KCNMB2: variants seen among roughly 807,000 people sequenced by gnomAD.
KCNMB2 encodes calcium-activated potassium channel subunit beta-2.
A neutral mutation model predicts 24.5 loss-of-function variants in KCNMB2; 9 were observed. The ratio of observed to expected loss-of-function variants is 0.37; its 90% confidence interval spans 0.22 to 0.64. The LOEUF (loss-of-function observed/expected upper bound fraction) is 0.64, where lower values mean the gene tolerates loss of function less well. KCNMB2 is among the 30% of genes least tolerant of loss of function. The pLI is 0.63. For missense variants in KCNMB2, 226 were observed against 284.3 expected (o/e 0.79, Z 1.47); for synonymous variants, 109 against 104.4 (o/e 1.04, Z -0.27).
intron 1 of KCNMB2, among the ~76,000 whole-genome samples, chr3:178,679,625 T>C (rs998207218): frequency 6.6e-6 from 1 of 152,078 alleles, no homozygotes; most frequent in African/African-American, 2.4e-5. Context: ...TCAAGGAAGG[T>C]CTTAGGTATG....
intron 1 of KCNMB2, among the ~76,000 whole-genome samples, chr3:178,720,027 C>T (rs972641337): frequency 4.0e-5 from 6 of 151,760 alleles, no homozygotes; most frequent in Non-Finnish European, 5.9e-5. Flanking sequence ...ATGTGCACAA[C>T]GTGCCGGTTA....
chr3:178,755,397 T>C (rs1176751427), intron 1 of KCNMB2, among the ~76,000 whole-genome samples: 1 of 152,218 alleles, frequency 6.6e-6, no homozygotes, highest in Non-Finnish European at 1.5e-5. Context: ...CTTTAACAGT[T>C]GTGATCTGTT....
At chr3:178,600,135 C>T (rs1288066355) in intron 1 of KCNMB2, among the ~76,000 whole-genome samples, 1 of 152,176 alleles carries the variant, frequency 6.6e-6, no homozygotes, top group Non-Finnish European at 1.5e-5. Context: ...ACCTCGGCCT[C>T]CCAAAGTGCT....
At chr3:178,615,218 G>C (rs886428346) in intron 1 of KCNMB2, among the ~76,000 whole-genome samples, 9 of 152,196 alleles carry the variant, frequency 5.9e-5, no homozygotes, top group Non-Finnish European at 1.3e-4. Flanking sequence ...CACTGGATCA[G>C]ATCTGAAACA....
At chr3:178,598,721 C>T (rs1325555733) in intron 1 of KCNMB2, among the ~76,000 whole-genome samples, 10 of 151,852 alleles carry the variant, frequency 6.6e-5, no homozygotes, top group Admixed American at 2.6e-4. Context: ...AGAGTGCTCA[C>T]GTGACCAGGG....
At chr3:178,709,127 T>C (rs1370060165) in intron 1 of KCNMB2, among the ~76,000 whole-genome samples, 1 of 152,186 alleles carries the variant, frequency 6.6e-6, no homozygotes, top group Non-Finnish European at 1.5e-5. Flanking sequence ...CCCAAAGATT[T>C]GGAGCCGAAG....
At chr3:178,809,778 T>C (rs1714114060) in intron 2 of KCNMB2, among the ~76,000 whole-genome samples, 1 of 152,250 alleles carries the variant, frequency 6.6e-6, no homozygotes, top group Non-Finnish European at 1.5e-5. Flanking sequence ...TAAGATTCTA[T>C]GAAACTGAAA....
intron 1 of KCNMB2, among the ~76,000 whole-genome samples, chr3:178,607,287 C>T (rs1174244166): frequency 3.3e-5 from 5 of 152,110 alleles, no homozygotes; most frequent in African/African-American, 1.2e-4. Context: ...TGACGGAGCC[C>T]TAAAGATTCT....
chr3:178,619,544 AT>A (rs896791160), intron 1 of KCNMB2, among the ~76,000 whole-genome samples: 12 of 152,226 alleles, frequency 7.9e-5, no homozygotes, highest in African/African-American at 2.9e-4. Flanking sequence ...CCTCTAACTC[AT>A]TTTATTATAA....
chr3:178,692,826 A>G (rs4396882), intron 1 of KCNMB2, among the ~76,000 whole-genome samples: 47,938 of 152,136 alleles, frequency 0.32, 8,045 homozygotes, highest in African/African-American at 0.43. Flanking sequence ...TTGAATTTAT[A>G]AATTGCTTTG....
At chr3:178,693,823 C>A (rs1248666752) in intron 1 of KCNMB2, among the ~76,000 whole-genome samples, 1 of 152,110 alleles carries the variant, frequency 6.6e-6, no homozygotes, top group Non-Finnish European at 1.5e-5. Flanking sequence ...GGAATTGTAC[C>A]AGCTCTTCTT....
intron 4 of KCNMB2, among the ~76,000 whole-genome samples, chr3:178,831,277 G>A (rs1715048671): frequency 2.0e-5 from 3 of 152,094 alleles, no homozygotes; most frequent in Admixed American, 2.0e-4. Context: ...ATAATGGTGA[G>A]GTTGCAAAGA....
intron 1 of KCNMB2, among the ~76,000 whole-genome samples, chr3:178,704,331 C>G (rs1385026032): frequency 1.3e-5 from 2 of 152,078 alleles, no homozygotes; most frequent in African/African-American, 4.8e-5. Context: ...TTCTGGGTAT[C>G]ACCCCTGCAT....
At chr3:178,652,501 G>T (rs1316777715) in intron 1 of KCNMB2, among the ~76,000 whole-genome samples, 1 of 151,502 alleles carries the variant, frequency 6.6e-6, no homozygotes, top group Non-Finnish European at 1.5e-5. Flanking sequence ...CCAGTGATTT[G>T]TGAAGCTATT....
chr3:178,757,699 T>TCC (rs1724172626), intron 1 of KCNMB2, among the ~76,000 whole-genome samples: 1 of 70,440 alleles, frequency 1.4e-5, no homozygotes, highest in Non-Finnish European at 2.8e-5. Context: ...TATGTATATA[T>TCC]ATCCAAGAGG....
At chr3:178,703,547 A>G (rs1722178079) in intron 1 of KCNMB2, among the ~76,000 whole-genome samples, 1 of 152,136 alleles carries the variant, frequency 6.6e-6, no homozygotes, top group Admixed American at 6.6e-5. Flanking sequence ...TTCATTATTC[A>G]TGTTGAAATT....
chr3:178,704,973 C>T (rs912926067), intron 1 of KCNMB2, among the ~76,000 whole-genome samples: 1 of 152,106 alleles, frequency 6.6e-6, no homozygotes, highest in Non-Finnish European at 1.5e-5. Flanking sequence ...ATACCACCAT[C>T]ACCACTATCA....
At chr3:178,688,737 A>G (rs4464427) in intron 1 of KCNMB2, among the ~76,000 whole-genome samples, 50,063 of 151,966 alleles carry the variant, frequency 0.33, 8,999 homozygotes, top group African/African-American at 0.48. Flanking sequence ...AGTTTTTGTG[A>G]ACTTCGTATT....
intron 1 of KCNMB2, among the ~76,000 whole-genome samples, chr3:178,574,141 A>G (rs1301156274): frequency 2.6e-5 from 4 of 152,196 alleles, no homozygotes; most frequent in African/African-American, 7.2e-5. Context: ...TCTTTTAGAT[A>G]TAAGAACAGA....
Sources: gnomAD v4.1 joint callset for allele counts (sites outside exome capture counted in the v4.1 genomes callset) on GRCh38, gnomAD v4.1.1 for gene constraint, MANE v1.5 for transcripts, NCBI Gene and HGNC (gene_info 2026-07-23, HGNC 2026-07-21) for gene names.